KIFBP: variants seen among roughly 807,000 people sequenced by gnomAD.
KIFBP encodes KIF-binding protein.
In KIFBP, 46 loss-of-function variants were observed where a neutral mutation model predicts 58.9. That is an observed-to-expected ratio of 0.78 (90% CI 0.62 to 1.00). KIFBP has a LOEUF of 1.00. Ranked by LOEUF, KIFBP falls within the 50% of genes least tolerant of loss-of-function variation. KIFBP has a pLI of 0.00. For missense variants in KIFBP, 651 were observed against 752.9 expected (o/e 0.86, Z 1.58); for synonymous variants, 241 against 283.4 (o/e 0.85, Z 1.50).
chr10:69,010,637 G>C (rs1363573482), intron 5 of KIFBP, among the ~76,000 whole-genome samples: 1 of 152,142 alleles, frequency 6.6e-6, no homozygotes, highest in East Asian at 1.9e-4. Context: ...ATATAATGGT[G>C]TACTTAAAAA....
chr10:69,008,391 A>AAAAATATATATAT, intron 4 of KIFBP, among the ~76,000 whole-genome samples: 19 of 71,584 alleles, frequency 2.7e-4, no homozygotes, highest in African/African-American at 1.2e-3. Context: ...AAAAAAAAAA[A>AAAAATATATATAT]ATATATATAT....
chr10:69,002,366 C>T (rs1843476843), intron 2 of KIFBP, among the ~76,000 whole-genome samples: 1 of 151,808 alleles, frequency 6.6e-6, no homozygotes. Flanking sequence ...ACCATGTTGC[C>T]AGGCTGGTCT....
chr10:69,016,147 G>A lies in KIFBP; in HGVS notation c.1597G>A (p.Glu533Lys), dbSNP rs777074091. The A allele has an allele frequency of 6.2e-7, 1 of 1,614,160 alleles. No individual in the cohort carries two copies. Among genetic ancestry groups the A allele is most frequent in the Admixed American group, 1.7e-5 (1 of 60,018 alleles). ...GAGAGACCCAAATAAAGTATTCCCTGAGCATATAGGGGAAGATGTTCTTCG... is the reference window on the plus strand; with the variant it reads ...GAGAGACCCAAATAAAGTATTCCCTAAGCATATAGGGGAAGATGTTCTTCG... Reference protein sequence around the residue: ...SLRDPNKVFPEHIGEDVLRPA... With the variant: ...SLRDPNKVFPKHIGEDVLRPA... Residue 533 changes from glutamate (E) to lysine (K), a missense_variant, in exon 7 of 7, where the codon GAG becomes AAG. Physicochemically the swap from Glu to Lys is moderately conservative, Grantham distance 56 (BLOSUM62 1). Coordinates refer to ENST00000361983, the MANE Select transcript of KIFBP (RefSeq NM_015634.4).
intron 6 of KIFBP, 170 bp from the exon 7 acceptor site, chr10:69,015,371 C>A: frequency 1.7e-6 from 1 of 582,046 alleles, no homozygotes; most frequent in Admixed American, 3.2e-5. Context: ...TTAATATAAT[C>A]GGAAGAAAGA....
At chr10:68,998,194 G>A (rs1308499878) in intron 1 of KIFBP, among the ~76,000 whole-genome samples, 1 of 152,140 alleles carries the variant, frequency 6.6e-6, no homozygotes, top group Non-Finnish European at 1.5e-5. Flanking sequence ...CCCGTGACCT[G>A]CCCGCTTCAG....
At chr10:69,000,308 T>C (rs1589295140) in intron 1 of KIFBP, 116 bp from the exon 2 acceptor site, 1 of 731,472 alleles carries the variant, frequency 1.4e-6, no homozygotes, top group East Asian at 2.6e-5. Flanking sequence ...AATTAATTCA[T>C]TGGTAATCCA....
intron 3 of KIFBP, 117 bp downstream of exon 3, chr10:69,005,242 C>T: frequency 1.3e-6 from 1 of 747,812 alleles, no homozygotes; most frequent in Admixed American, 2.1e-5. Flanking sequence ...AGTAAAACCT[C>T]CATTTACCAC....
At chr10:68,991,039 G>A (rs1843339951) in intron 1 of KIFBP, 1 of 152,104 alleles carries the variant, frequency 6.6e-6, no homozygotes, top group Non-Finnish European at 1.5e-5. Flanking sequence ...GGGAGGCTGG[G>A]ATGAGATGAT....
At chr10:69,009,593 C>G (rs532753610) in intron 5 of KIFBP, among the ~76,000 whole-genome samples, 1 of 152,214 alleles carries the variant, frequency 6.6e-6, no homozygotes, top group South Asian at 2.1e-4. Flanking sequence ...AGAATTACTG[C>G]CAGCTGGGGT....
chr10:69,015,067 C>T (rs1343303422), intron 6 of KIFBP, among the ~76,000 whole-genome samples: 11 of 152,104 alleles, frequency 7.2e-5, no homozygotes, highest in Admixed American at 5.2e-4. Flanking sequence ...GGATTACAGG[C>T]GCCTGCCACC....
intron 1 of KIFBP, among the ~76,000 whole-genome samples, chr10:68,999,326 C>T (rs900705703): frequency 2.0e-5 from 3 of 147,472 alleles, no homozygotes; most frequent in Non-Finnish European, 4.5e-5. Flanking sequence ...TTGAACTTCT[C>T]GCCTCAAGTG....
At chr10:69,006,191 T>C (rs565757893) in intron 4 of KIFBP, among the ~76,000 whole-genome samples, 2 of 152,344 alleles carry the variant, frequency 1.3e-5, no homozygotes, top group East Asian at 3.9e-4. Context: ...CTATCTCAAC[T>C]CATTTTAGTG....
At position 69,015,660 on chromosome 10, in the gene KIFBP, G is replaced by A. The variant is rs1398467091; in HGVS notation, c.1110G>A (p.Leu370=). ...CTGTGCAGTTTGGAACCGGTGAACT[G>A]TGTGATGCCATCTCTGCAGTAGAAG... ...KKAVQFGTGE[L]CDAISAVEEK... is the part of the protein sequence containing the mutation. The change falls in exon 7 of 7, where the codon CTG becomes CTA. Residue 370 remains leucine, a synonymous_variant. Coordinates refer to ENST00000361983, the MANE Select transcript of KIFBP (RefSeq NM_015634.4). 4.0e-5 allele frequency: 65 copies of A among 1,614,116 alleles called. No homozygotes were observed. The highest frequency in any genetic ancestry group is 5.4e-5 in the Non-Finnish European group (64 of 1,180,052).
intron 4 of KIFBP, 141 bp from the exon 5 acceptor site, chr10:69,008,700 A>T (rs998184423): frequency 1.4e-6 from 1 of 729,556 alleles, no homozygotes; most frequent in Admixed American, 1.9e-5. Flanking sequence ...CTTCTGAATG[A>T]TCTGCAACTC....
At position 69,000,596 on chromosome 10, in the gene KIFBP, CG is replaced by C. The variant is rs1340687451; in HGVS notation, c.525+75del. The C allele has an allele frequency of 5.1e-6, 5 of 974,898 alleles. No homozygotes were observed. The African/African-American group carries it at 8.0e-5, about 16-fold the overall frequency. The allele number at this position is 974,898 out of a possible 1,614,324, so 60.4% of individuals were successfully genotyped here. The stretch of plus-strand genomic sequence containing the variant: ...GAATTGATAGTAAGAATCCCTCATT[CG>C]TAATATTGGTGTGACTCTTCACTGT... On this transcript the variant is annotated intron_variant, in intron 2 of 6. Transcript: ENST00000361983.
In KIFBP at chr10:68,988,823, A is replaced by G. The variant is rs755796493; in HGVS notation, c.-10A>G. On this transcript the variant is annotated 5_prime_UTR_variant, in exon 1 of 7. Coordinates refer to ENST00000361983, the MANE Select transcript of KIFBP (RefSeq NM_015634.4). ...CAAACATTGAGGAAAGCCAGGCAGT[A>G]GAGGCCGCTATGGCGAACGTTCCGT... The G allele has an allele frequency of 6.2e-7, 1 of 1,614,266 alleles. No homozygotes were observed. The highest frequency in any genetic ancestry group is 1.1e-5 in the South Asian group (1 of 91,090).
chr10:68,995,665 G>GT (rs1843396126), intron 1 of KIFBP, among the ~76,000 whole-genome samples: 1 of 152,178 alleles, frequency 6.6e-6, no homozygotes, highest in Non-Finnish European at 1.5e-5. Context: ...TTCTGGAAGT[G>GT]TTTGTGTAGT....
At chr10:69,004,219 C>CAAAA (rs1164355898) in intron 2 of KIFBP, among the ~76,000 whole-genome samples, 2 of 79,486 alleles carry the variant, frequency 2.5e-5, no homozygotes, top group African/African-American at 4.7e-5. Flanking sequence ...ACTCCATCTC[C>CAAAA]AAAAAAAAAA....
At chr10:68,991,535 T>C (rs1843346860) in intron 1 of KIFBP, 2 of 434,760 alleles carry the variant, frequency 4.6e-6, no homozygotes, top group Admixed American at 4.8e-5. Context: ...CCAGAAGCAC[T>C]TGACAAAGCT....
Sources: allele counts gnomAD v4.1 joint callset (sites outside exome capture counted in the v4.1 genomes callset), GRCh38; gene constraint gnomAD v4.1.1; transcripts MANE v1.5; gene names NCBI Gene and HGNC (gene_info 2026-07-23, HGNC 2026-07-21).